The following LRP1B variants were observed in gnomAD, a reference collection of about 807,000 sequenced individuals.
The protein encoded by LRP1B is LDL receptor related protein 1B, also known as low-density lipoprotein receptor-related protein 1B.
In LRP1B, 217 loss-of-function variants were observed where a neutral mutation model predicts 556.6. That is an observed-to-expected ratio of 0.39 (90% CI 0.35 to 0.44). LRP1B has a LOEUF of 0.44. LRP1B is among the 20% of genes least tolerant of loss of function. The pLI is 1.00. For missense variants in LRP1B, 5,053 were observed against 5,620.8 expected (o/e 0.90, Z 3.23); for synonymous variants, 2,047 against 1,865.8 (o/e 1.10, Z -2.50).
chr2:141,633,895 G>A (rs1689002856), intron 2 of LRP1B, among the ~76,000 whole-genome samples: 1 of 151,992 alleles, frequency 6.6e-6, no homozygotes, highest in African/African-American at 2.4e-5. Context: ...GTACAAAGTG[G>A]TATAAAATTC....
chr2:140,637,330 C>G (rs1217270249), intron 41 of LRP1B, among the ~76,000 whole-genome samples: 1 of 152,138 alleles, frequency 6.6e-6, no homozygotes, highest in Admixed American at 6.5e-5. Context: ...TCTGCTCATG[C>G]CTTAGTCAAC....
At chr2:140,542,274 C>T (rs1457797865) in intron 43 of LRP1B, among the ~76,000 whole-genome samples, 1 of 151,712 alleles carries the variant, frequency 6.6e-6, no homozygotes, top group South Asian at 2.1e-4. Context: ...ATCAACAAGC[C>T]AAAATATTAG....
At position 140,258,160 on chromosome 2, in the gene LRP1B, G is replaced by A. The variant is rs114419444; in HGVS notation, c.13248-10998C>T. ...TTTCTTATGTATTACTCACCCTAAG[G>A]ACTTGGAAAATAATGCTGAACACTT... On this transcript the variant is annotated intron_variant, in intron 86 of 90. Coordinates refer to ENST00000389484, the MANE Select transcript of LRP1B (RefSeq NM_018557.3). 2.9e-3 allele frequency among the ~76,000 whole-genome samples: 439 copies of A among 152,116 alleles called. 3 individuals carry two copies. The highest frequency in any genetic ancestry group is 9.9e-3 in the African/African-American group (410 of 41,512).
chr2:141,752,052 A>G (rs1020930111), intron 2 of LRP1B, among the ~76,000 whole-genome samples: 2 of 152,042 alleles, frequency 1.3e-5, no homozygotes, highest in Admixed American at 6.6e-5. Context: ...ACTTTTCCCA[A>G]TATACATTAA....
intron 2 of LRP1B, among the ~76,000 whole-genome samples, chr2:141,698,122 C>T (rs1008224683): frequency 1.1e-4 from 16 of 151,782 alleles, no homozygotes; most frequent in African/African-American, 3.9e-4. Flanking sequence ...TTACTTTGTG[C>T]TTACATTCCC....
chr2:140,450,569 A>G lies in LRP1B; in HGVS notation c.10056T>C (p.Cys3352=). ...TTCAATATTTGCCAGTATACTCACGACAGTCATCAGGTTCATCAGATCCAT... is the reference window on the plus strand; with the variant it reads ...TTCAATATTTGCCAGTATACTCACGGCAGTCATCAGGTTCATCAGATCCAT... ...CGDGSDEPDD[C]PEFRCQPGRF... Residue 3352 remains cysteine, a splice_region_variant and synonymous_variant, in exon 63 of 91, where the codon TGT becomes TGC. Coordinates refer to ENST00000389484, the MANE Select transcript of LRP1B (RefSeq NM_018557.3). The G allele has an allele frequency of 6.2e-7, 1 of 1,605,522 alleles. No individual in the cohort carries two copies. Among genetic ancestry groups the G allele is most frequent in the Non-Finnish European group, 8.5e-7 (1 of 1,172,808 alleles).
rs557224044 is a variant in LRP1B at position 140,484,434 on chromosome 2, A to T, written c.9425+909T>A. Among the ~76,000 whole-genome samples, 9 of 152,308 alleles carry T rather than the reference A, an allele frequency of 5.9e-5. No individual in the cohort carries two copies. The South Asian group carries it at 1.9e-3, about 32-fold the overall frequency. Reference sequence around the variant, plus strand: ...TGGTTTGGTGAAATATGTGAATAAAATTAATTAATTTAAATTGCAGAAAAT... The same window carrying T: ...TGGTTTGGTGAAATATGTGAATAAATTTAATTAATTTAAATTGCAGAAAAT... On this transcript the variant is annotated intron_variant, in intron 59 of 90. Coordinates refer to ENST00000389484, the MANE Select transcript of LRP1B (RefSeq NM_018557.3).
chr2:141,806,263 A>T (rs1182347608), intron 2 of LRP1B, among the ~76,000 whole-genome samples: 1 of 152,030 alleles, frequency 6.6e-6, no homozygotes, highest in African/African-American at 2.4e-5. Context: ...CTAAATAAAC[A>T]CTTTCACTAT....
intron 2 of LRP1B, among the ~76,000 whole-genome samples, chr2:141,691,083 C>T (rs978228393): frequency 4.0e-5 from 6 of 151,776 alleles, no homozygotes; most frequent in Non-Finnish European, 8.8e-5. Flanking sequence ...AAATAAAAGA[C>T]AGGAAAACGA....
At chr2:141,994,909 C>T (rs1452639759) in intron 1 of LRP1B, among the ~76,000 whole-genome samples, 2 of 152,026 alleles carry the variant, frequency 1.3e-5, no homozygotes, top group Non-Finnish European at 2.9e-5. Flanking sequence ...TTTCACGCTC[C>T]TACCTGTGAG....
At chr2:141,141,509 C>T (rs1701651138) in intron 7 of LRP1B, among the ~76,000 whole-genome samples, 1 of 152,128 alleles carries the variant, frequency 6.6e-6, no homozygotes, top group Admixed American at 6.6e-5. Flanking sequence ...TCTTTGGACT[C>T]ACTTACTTTA....
At chr2:141,396,854 G>A (rs1309440566) in intron 3 of LRP1B, among the ~76,000 whole-genome samples, 19 of 151,922 alleles carry the variant, frequency 1.3e-4, no homozygotes, top group Non-Finnish European at 7.4e-5. Context: ...CGGGCACAAC[G>A]GCTCATGCCT....
At chr2:141,363,213 T>C (rs2105570850) in intron 3 of LRP1B, among the ~76,000 whole-genome samples, 2 of 152,328 alleles carry the variant, frequency 1.3e-5, no homozygotes, top group Middle Eastern at 6.8e-3. Flanking sequence ...TGTCCAATCT[T>C]AACCATTCTT....
intron 2 of LRP1B, among the ~76,000 whole-genome samples, chr2:141,671,151 T>A (rs1690651679): frequency 6.6e-6 from 1 of 152,174 alleles, no homozygotes; most frequent in South Asian, 2.1e-4. Flanking sequence ...GGTAAGGATT[T>A]CAAAGGTGAA....
intron 2 of LRP1B, among the ~76,000 whole-genome samples, chr2:141,688,589 A>G (rs190677569): frequency 9.5e-4 from 144 of 152,040 alleles, no homozygotes; most frequent in Non-Finnish European, 1.2e-3. Context: ...TCATTTTATA[A>G]CTAAAGAAAC....
At chr2:140,339,954 C>T (rs975040083) in intron 77 of LRP1B, among the ~76,000 whole-genome samples, 4 of 151,516 alleles carry the variant, frequency 2.6e-5, no homozygotes, top group African/African-American at 9.7e-5. Flanking sequence ...ACATTAGGAC[C>T]ATGTCAACTT....
intron 43 of LRP1B, among the ~76,000 whole-genome samples, chr2:140,595,391 C>A (rs1443713889): frequency 6.6e-6 from 1 of 151,536 alleles, no homozygotes; most frequent in Non-Finnish European, 1.5e-5. Flanking sequence ...TTATAAAGGT[C>A]CCATTTATAA....
chr2:141,079,219 G>A (rs1330891518), intron 7 of LRP1B, among the ~76,000 whole-genome samples: 3 of 152,120 alleles, frequency 2.0e-5, no homozygotes, highest in Non-Finnish European at 4.4e-5. Context: ...TTCTTTTCCA[G>A]TTAGAAGGTA....
At chr2:140,353,517 C>A (rs1682069154) in intron 75 of LRP1B, among the ~76,000 whole-genome samples, 1 of 152,064 alleles carries the variant, frequency 6.6e-6, no homozygotes, top group South Asian at 2.1e-4. Context: ...TGACCTACCT[C>A]CATGCCTTCG....
Sources: allele counts gnomAD v4.1 joint callset (sites outside exome capture counted in the v4.1 genomes callset), GRCh38; gene constraint gnomAD v4.1.1; transcripts MANE v1.5; gene names NCBI Gene and HGNC (gene_info 2026-07-23, HGNC 2026-07-21).